CAMTA1: variants seen among roughly 807,000 people sequenced by gnomAD.
CAMTA1 encodes calmodulin binding transcription activator 1.
In CAMTA1, 27 loss-of-function variants were observed where a neutral mutation model predicts 170.9. The ratio of observed to expected loss-of-function variants is 0.16; its 90% CI spans 0.12 to 0.22. The LOEUF is 0.22. CAMTA1 is among the 10% of genes least tolerant of loss of function. CAMTA1 has a pLI of 1.00. For missense variants in CAMTA1, 1,619 were observed against 2,217.2 expected, an observed-to-expected ratio of 0.73 and a Z score of 5.42; for synonymous variants, 833 against 891.5, an observed-to-expected ratio of 0.93 and a Z score of 1.17.
At chr1:7,590,694 G>T (rs890761122) in intron 6 of CAMTA1, among the ~76,000 whole-genome samples, 9 of 152,188 alleles carry the variant, frequency 5.9e-5, no homozygotes, top group African/African-American at 1.9e-4. Flanking sequence ...CCAAAGCACA[G>T]CCCTGGTCAC....
At chr1:7,174,865 C>T (rs1650449198) in intron 4 of CAMTA1, among the ~76,000 whole-genome samples, 1 of 152,170 alleles carries the variant, frequency 6.6e-6, no homozygotes, top group Non-Finnish European at 1.5e-5. Context: ...GCTTGTGGGT[C>T]TGGGATGGTT....
chr1:7,206,781 T>G (rs751748345), intron 4 of CAMTA1, among the ~76,000 whole-genome samples: 22 of 152,204 alleles, frequency 1.4e-4, no homozygotes, highest in Admixed American at 1.3e-4. Flanking sequence ...CATTAGCTAT[T>G]GTCAATGCTT....
intron 3 of CAMTA1, among the ~76,000 whole-genome samples, chr1:7,075,537 G>A (rs988665479): frequency 6.6e-6 from 1 of 152,062 alleles, no homozygotes; most frequent in Non-Finnish European, 1.5e-5. Context: ...GCAGCCCATC[G>A]CTCCCTTCCC....
At chr1:7,138,676 C>G (rs1323957190) in intron 4 of CAMTA1, among the ~76,000 whole-genome samples, 1 of 152,142 alleles carries the variant, frequency 6.6e-6, no homozygotes, top group Admixed American at 6.5e-5. Flanking sequence ...GTATCTAGCT[C>G]ACCTTTTTTT....
chr1:7,484,169 C>G (rs2149650392), intron 6 of CAMTA1, among the ~76,000 whole-genome samples: 1 of 152,294 alleles, frequency 6.6e-6, no homozygotes, highest in African/African-American at 2.4e-5. Context: ...CAGGGCAGAC[C>G]CGGTGTGGGT....
chr1:7,370,520 G>C (rs1442934358), intron 5 of CAMTA1, among the ~76,000 whole-genome samples: 4 of 152,164 alleles, frequency 2.6e-5, no homozygotes, highest in African/African-American at 9.7e-5. Context: ...TACTGTCCGG[G>C]TCGTATTCGA....
intron 5 of CAMTA1, among the ~76,000 whole-genome samples, chr1:7,287,331 G>A (rs1023543797): frequency 2.6e-5 from 4 of 152,154 alleles, no homozygotes; most frequent in African/African-American, 4.8e-5. Flanking sequence ...GTCTCAAATC[G>A]GATGTCATCT....
intron 8 of CAMTA1, 32 bp from the exon 9 acceptor site, chr1:7,663,321 T>C (rs1242403934): frequency 2.0e-6 from 3 of 1,515,266 alleles, no homozygotes; most frequent in Non-Finnish European, 2.7e-6. Flanking sequence ...TGCCTGCGTG[T>C]GCGTGCGCGT....
In CAMTA1 at chr1:7,113,860, G is replaced by A. The variant is rs1644205658; in HGVS notation, c.302+22489G>A. 6.6e-6 allele frequency among the ~76,000 whole-genome samples: 1 copy of A among 152,172 alleles called. No individual in the cohort carries two copies. Among genetic ancestry groups the A allele is most frequent in the Non-Finnish European group, 1.5e-5 (1 of 68,034 alleles). On this transcript the variant is annotated intron_variant, in intron 4 of 22. Transcript: ENST00000303635. The surrounding 1 kb of genome is among the most constrained non-coding windows in gnomAD (Gnocchi z 4.5). ...TGAGGTTTTACTTCTCCGTCCTTTG[G>A]TCCAAGGCTACTGGGAGGGTCAGAT...
In CAMTA1 at chr1:7,194,408, A is replaced by T. The variant is rs115005713; in HGVS notation, c.303-55083A>T. Among the ~76,000 whole-genome samples, 451 of 152,270 alleles carry T rather than the reference A, an allele frequency of 3.0e-3. 3 individuals carry two copies. Among genetic ancestry groups the T allele is most frequent in the African/African-American group, 0.01 (428 of 41,528 alleles). On this transcript the variant is annotated intron_variant, in intron 4 of 22. Transcript: ENST00000303635. The stretch of plus-strand genomic sequence containing the variant: ...ACAGGTATTGAATATAATAAACTAT[A>T]TTTAAATATTTATACGTGAAATTTT...
chr1:7,223,967 C>A (rs545931017), intron 4 of CAMTA1, among the ~76,000 whole-genome samples: 1 of 152,052 alleles, frequency 6.6e-6, no homozygotes, highest in African/African-American at 2.4e-5. Context: ...TGTTAGAGGG[C>A]GGGGTGGAAG....
In CAMTA1 at chr1:7,570,940, C is replaced by G. The variant is rs1256685224; in HGVS notation, c.511-69460C>G. 1.3e-5 allele frequency among the ~76,000 whole-genome samples: 2 copies of G among 152,162 alleles called. No homozygotes were observed. Among genetic ancestry groups the G allele is most frequent in the South Asian group, 2.1e-4 (1 of 4,818 alleles). On this transcript the variant is annotated intron_variant, in intron 6 of 22. Coordinates refer to ENST00000303635, the MANE Select transcript of CAMTA1 (RefSeq NM_015215.4). The surrounding 1 kb of genome is among the most constrained non-coding windows in gnomAD (Gnocchi z 4.3). ...GCCTCAGTTGCCTCAAGATGGGCAG[C>G]CTTTCTGTGTCGCCGGAGGTTGTGA... is the stretch of plus-strand genomic sequence containing the variant.
At chr1:7,378,617 C>A (rs777156385) in intron 5 of CAMTA1, among the ~76,000 whole-genome samples, 1 of 152,000 alleles carries the variant, frequency 6.6e-6, no homozygotes, top group Non-Finnish European at 1.5e-5. Flanking sequence ...TGGGGAGGGG[C>A]TGCTTCAGGA....
At chr1:7,387,375 C>G (rs957388471) in intron 5 of CAMTA1, among the ~76,000 whole-genome samples, 1 of 152,168 alleles carries the variant, frequency 6.6e-6, no homozygotes, top group Non-Finnish European at 1.5e-5. Context: ...TTCTGCTCGC[C>G]CTTCACTTCC....
chr1:7,727,041 A>G (rs1458245188), intron 11 of CAMTA1, among the ~76,000 whole-genome samples: 1 of 152,042 alleles, frequency 6.6e-6, no homozygotes, highest in East Asian at 1.9e-4. Context: ...TTGAAGCATC[A>G]TGGGTAAGAA....
rs116501010 is a variant in CAMTA1, at chr1:7,031,385, A to G, written c.235-59919A>G. Among the ~76,000 whole-genome samples the G allele has an allele frequency of 8.3e-3, 1,270 of 152,262 alleles. 20 individuals are homozygous for G. The highest frequency in any genetic ancestry group is 0.029 in the African/African-American group (1,200 of 41,558). On this transcript the variant is annotated intron_variant, in intron 3 of 22. Coordinates refer to ENST00000303635, the MANE Select transcript of CAMTA1 (RefSeq NM_015215.4). Reference sequence around the variant, plus strand: ...TGTTCTGAAATCTGCTTTTTGTGATATTAACATAGCCATTGCAAATTTCTT... The same window carrying G: ...TGTTCTGAAATCTGCTTTTTGTGATGTTAACATAGCCATTGCAAATTTCTT...
chr1:7,146,566 G>T lies in CAMTA1; in HGVS notation c.302+55195G>T, dbSNP rs538172256. 1.3e-5 allele frequency among the ~76,000 whole-genome samples: 2 copies of T among 152,110 alleles called. No homozygotes were observed. The highest frequency in any genetic ancestry group is 4.1e-4 in the South Asian group (2 of 4,820). ...ATCACCATGGCCTTCCTTGACCCCG[G>T]CCACGTCCTGCCGGCTCCTCCTCCT... is the stretch of plus-strand genomic sequence containing the variant. On this transcript the variant is annotated intron_variant, in intron 4 of 22. Coordinates refer to ENST00000303635, the MANE Select transcript of CAMTA1 (RefSeq NM_015215.4). This position sits in a 1 kb window ranked among gnomAD's most constrained non-coding sequence, Gnocchi z 4.3.
chr1:7,211,740 C>T (rs1419864953), intron 4 of CAMTA1, among the ~76,000 whole-genome samples: 1 of 152,192 alleles, frequency 6.6e-6, no homozygotes, highest in African/African-American at 2.4e-5. Flanking sequence ...CAGCTGTGTG[C>T]CTTGCGAGTG....
chr1:7,449,087 G>A (rs2092749293), intron 5 of CAMTA1, among the ~76,000 whole-genome samples: 1 of 152,248 alleles, frequency 6.6e-6, no homozygotes, highest in Non-Finnish European at 1.5e-5. Context: ...CCACTGCCGA[G>A]CAGGAAGGGT....
Sources: allele counts gnomAD v4.1 joint callset (sites outside exome capture counted in the v4.1 genomes callset), GRCh38; gene constraint gnomAD v4.1.1; non-coding constraint Gnocchi (gnomAD v3.1); transcripts MANE v1.5; gene names NCBI Gene and HGNC (gene_info 2026-07-23, HGNC 2026-07-21).